Variants in AFAP1 observed in about 807,000 individuals in gnomAD.
AFAP1 encodes actin filament-associated protein 1.
In AFAP1, 75 loss-of-function variants were observed where a neutral mutation model predicts 93.9. The ratio of observed to expected loss-of-function variants is 0.80; its 90% confidence interval spans 0.66 to 0.97. The LOEUF is 0.97. Ranked by LOEUF, AFAP1 falls within the 50% of genes least tolerant of loss-of-function variation. AFAP1 has a pLI of 0.00. For missense variants in AFAP1, 1,201 were observed against 1,050.8 expected (o/e 1.14, Z -1.98); for synonymous variants, 517 against 430.7 (o/e 1.20, Z -2.48).
intron 12 of AFAP1, among the ~76,000 whole-genome samples, chr4:7,782,907 A>G (rs985213927): frequency 2.0e-5 from 3 of 152,200 alleles, no homozygotes; most frequent in African/African-American, 4.8e-5. Flanking sequence ...AACCTAGCAT[A>G]TATTTGTCCA....
chr4:7,763,587 T>C lies in AFAP1; in HGVS notation c.*178A>G, dbSNP rs1187571280. 1 of 623,972 alleles carries C rather than the reference T, an allele frequency of 1.6e-6. No homozygotes were observed. The highest frequency in any genetic ancestry group is 1.9e-5 in the African/African-American group (1 of 53,478). The allele number at this position is 623,972 out of a possible 1,614,324, so 38.7% of individuals were successfully genotyped here. On this transcript the variant is annotated 3_prime_UTR_variant, in exon 18 of 18. Transcript: ENST00000420658. ...TACATCTTTTTTAAAGGCGCCATTT[T>C]ACAGTAGAAAGAATACAAGTGGGCC...
chr4:7,904,733 G>A (rs532709786), intron 1 of AFAP1, among the ~76,000 whole-genome samples: 3 of 152,104 alleles, frequency 2.0e-5, no homozygotes, highest in Admixed American at 6.5e-5. Flanking sequence ...GTTTTAGGAC[G>A]GGGTCTTGCT....
At position 7,760,412 on chromosome 4, in the gene AFAP1, T is replaced by C. The variant is rs1379913458; in HGVS notation, c.*3353A>G. 1 of 152,470 alleles carries C rather than the reference T, an allele frequency of 6.6e-6. No individual in the cohort carries two copies. Among genetic ancestry groups the C allele is most frequent in the Non-Finnish European group, 1.5e-5 (1 of 68,280 alleles). 9.4% of individuals were successfully genotyped at this position (152,470 alleles called of 1,614,324 possible). A position where few individuals can be genotyped will look rare whatever the true frequency, so the allele number is the denominator to read the frequency against. ...AGGGAAGGTCTCAAGGAAGGCCCCA[T>C]GGACAGTGGCCCATGCTCCTGGGGT... On this transcript the variant is annotated 3_prime_UTR_variant, in exon 18 of 18. Transcript: ENST00000420658.
At chr4:7,857,453 G>A (rs1715195348) in intron 3 of AFAP1, among the ~76,000 whole-genome samples, 1 of 151,966 alleles carries the variant, frequency 6.6e-6, no homozygotes, top group South Asian at 2.1e-4. Context: ...CCCGCCCCCC[G>A]TCCTTGTTCC....
chr4:7,769,213 G>C (rs1379035661), intron 16 of AFAP1, among the ~76,000 whole-genome samples: 1 of 152,306 alleles, frequency 6.6e-6, no homozygotes, highest in South Asian at 2.1e-4. Flanking sequence ...AGGCTCCGAC[G>C]GGCAGGTGGA....
rs115638105 is a variant in AFAP1 at position 7,913,301 on chromosome 4, G to C, written c.-3+26355C>G. On this transcript the variant is annotated intron_variant, in intron 1 of 17. Transcript: ENST00000420658. ...GCTACTTGGGAGGCTGAGGTGGGAGGATCTCTTGAGCCTATGAGGCTGAGG... is the reference window on the plus strand; with the variant it reads ...GCTACTTGGGAGGCTGAGGTGGGAGCATCTCTTGAGCCTATGAGGCTGAGG... Among the ~76,000 whole-genome samples the C allele has an allele frequency of 9.0e-3, 1,346 of 149,938 alleles. 21 individuals are homozygous for C. The highest frequency in any genetic ancestry group is 0.031 in the African/African-American group (1,263 of 40,700).
At chr4:7,774,078 T>G (rs1465984312) in intron 15 of AFAP1, 1 of 152,450 alleles carries the variant, frequency 6.6e-6, no homozygotes, top group Non-Finnish European at 1.5e-5. Context: ...AGGGAGGCCA[T>G]GCGTAGGTAA....
intron 1 of AFAP1, among the ~76,000 whole-genome samples, chr4:7,913,531 T>A (rs1463259874): frequency 6.6e-6 from 1 of 152,194 alleles, no homozygotes; most frequent in Non-Finnish European, 1.5e-5. Flanking sequence ...CTAAGTATCC[T>A]TACCTTAAAA....
intron 4 of AFAP1, among the ~76,000 whole-genome samples, chr4:7,848,099 A>AAGGAAGGAAGGAAGGAAG (rs1713955569): frequency 1.7e-5 from 2 of 116,020 alleles, no homozygotes; most frequent in African/African-American, 8.1e-5. Flanking sequence ...AGGGAAGGAA[A>AAGGAAGGAAGGAAGGAAG]GAAGGAAGGA....
intron 6 of AFAP1, among the ~76,000 whole-genome samples, chr4:7,827,259 C>G (rs1427498036): frequency 6.6e-6 from 1 of 151,994 alleles, no homozygotes; most frequent in Non-Finnish European, 1.5e-5. Context: ...ACCCAACATA[C>G]CTACAGATGC....
Position 7,838,541 on chromosome 4 carries a change from C to T in AFAP1, c.709G>A (p.Ala237Thr), listed in dbSNP as rs1230953001. Residue 237 changes from alanine (A) to threonine (T), a missense_variant, in exon 6 of 18, where the codon GCC becomes ACC. Ala to Thr is a moderately conservative substitution (Grantham distance 58, BLOSUM62 0). Transcript: ENST00000420658. ...LVLAVQSKEQ[A>T]EQWLKVIKEA... ...CAACCTACCTTCAGCCACTGCTCGGCCTGTTCCTTGCTCTGGACGGCGAGA... is the reference window on the plus strand; with the variant it reads ...CAACCTACCTTCAGCCACTGCTCGGTCTGTTCCTTGCTCTGGACGGCGAGA... 6.2e-7 allele frequency: 1 copy of T among 1,613,864 alleles called. No homozygotes were observed.
In AFAP1 at chr4:7,763,578, G is replaced by A; in HGVS notation, c.*187C>T. On this transcript the variant is annotated 3_prime_UTR_variant, in exon 18 of 18. Transcript: ENST00000420658. ...CCAAAGTCTTACATCTTTTTTAAAG[G>A]CGCCATTTTACAGTAGAAAGAATAC... is the stretch of plus-strand genomic sequence containing the variant. 1.7e-6 allele frequency: 1 copy of A among 590,418 alleles called. No homozygotes were observed. The highest frequency in any genetic ancestry group is 2.9e-6 in the Non-Finnish European group (1 of 349,034). 36.6% of individuals were successfully genotyped at this position (590,418 alleles called of 1,614,324 possible).
intron 17 of AFAP1, among the ~76,000 whole-genome samples, chr4:7,767,827 C>T (rs1714823626): frequency 6.6e-6 from 1 of 152,202 alleles, no homozygotes; most frequent in African/African-American, 2.4e-5. Flanking sequence ...CGACTGTAAT[C>T]CCAGCACTTT....
At chr4:7,863,819 T>C (rs1449886801) in intron 3 of AFAP1, among the ~76,000 whole-genome samples, 1 of 152,200 alleles carries the variant, frequency 6.6e-6, no homozygotes, top group Non-Finnish European at 1.5e-5. Context: ...CAAAAGGCAA[T>C]ATTCAATTCA....
At chr4:7,816,893 A>G (rs1203540860) in intron 7 of AFAP1, among the ~76,000 whole-genome samples, 1 of 152,224 alleles carries the variant, frequency 6.6e-6, no homozygotes, top group East Asian at 1.9e-4. Flanking sequence ...TAAGAGCTGC[A>G]GTGAAGAAAC....
chr4:7,879,476 T>C (rs1717717189), intron 1 of AFAP1, among the ~76,000 whole-genome samples: 1 of 152,046 alleles, frequency 6.6e-6, no homozygotes, highest in South Asian at 2.1e-4. Context: ...AAACACAGAC[T>C]GGCATCAAGG....
chr4:7,848,451 T>G (rs1577290750), intron 4 of AFAP1, among the ~76,000 whole-genome samples: 1 of 151,552 alleles, frequency 6.6e-6, no homozygotes, highest in Admixed American at 6.6e-5. Context: ...ATCCAGGAGG[T>G]GGGGAAGTGC....
At chr4:7,844,595 A>C (rs966875130) in intron 4 of AFAP1, among the ~76,000 whole-genome samples, 3 of 152,156 alleles carry the variant, frequency 2.0e-5, no homozygotes, top group Admixed American at 2.0e-4. Context: ...AAAGGAGACC[A>C]TCTCGTTGGC....
At chr4:7,800,177 A>G (rs1718887513) in intron 10 of AFAP1, among the ~76,000 whole-genome samples, 1 of 152,236 alleles carries the variant, frequency 6.6e-6, no homozygotes, top group African/African-American at 2.4e-5. Flanking sequence ...AACTCAGACA[A>G]GGAGGCAAGT....
Sources: allele counts gnomAD v4.1 joint callset (sites outside exome capture counted in the v4.1 genomes callset), GRCh38; gene constraint gnomAD v4.1.1; transcripts MANE v1.5; gene names NCBI Gene and HGNC (gene_info 2026-07-23, HGNC 2026-07-21).